The following ACBD6 variants were observed in gnomAD, a reference collection of about 807,000 sequenced individuals.
The protein encoded by ACBD6 is acyl-CoA binding domain containing 6.
Under a neutral mutation model 37.2 loss-of-function variants are expected in ACBD6, and 28 were observed. The observed-to-expected ratio is 0.75, with a 90% CI of 0.56 to 1.03. ACBD6 has a LOEUF of 1.03. Ranked by LOEUF, ACBD6 falls within the 50% of genes least tolerant of loss-of-function variation. The pLI is 0.00. For missense variants in ACBD6, 340 were observed against 337.4 expected, an observed-to-expected ratio of 1.01 and a Z score of -0.06; for synonymous variants, 113 against 126.8, an observed-to-expected ratio of 0.89 and a Z score of 0.73.
chr1:180,437,243 G>A (rs917262197), intron 3 of ACBD6, among the ~76,000 whole-genome samples: 6 of 152,184 alleles, frequency 3.9e-5, no homozygotes, highest in Admixed American at 2.6e-4. Context: ...ACCCAAAGAG[G>A]GGGTCATGGG....
chr1:180,395,270 C>T (rs1349182750), intron 6 of ACBD6, among the ~76,000 whole-genome samples: 2 of 151,916 alleles, frequency 1.3e-5, no homozygotes, highest in African/African-American at 2.4e-5. Flanking sequence ...AGATATTGTG[C>T]GTTTGAAGTG....
exon 11 of ACBD6, chr1:180,274,051 G>T: frequency 9.0e-7 from 1 of 1,106,104 alleles, no homozygotes; most frequent in Non-Finnish European, 1.4e-6. Flanking sequence ...TGGTGTGTCT[G>T]ACCCATGCTT....
chr1:180,502,172 T>TG lies in ACBD6; in HGVS notation c.94dup (p.His32ProfsTer2). On this transcript the variant is annotated frameshift_variant, in exon 1 of 8. Coordinates refer to ENST00000367595, the MANE Select transcript of ACBD6 (RefSeq NM_032360.4). LOFTEE classifies it high-confidence loss of function. The stretch of plus-strand genomic sequence containing the variant: ...ACTGGTCTCCTCGATCTCAGGGCTA[T>TG]GGGGGAACTCCACCTCCCCGGAGTC... The TG allele has an allele frequency of 6.2e-7, 1 of 1,614,096 alleles. No individual in the cohort carries two copies. The highest frequency in any genetic ancestry group is 8.5e-7 in the Non-Finnish European group (1 of 1,180,020).
chr1:180,491,266 T>C (rs1001874973), intron 3 of ACBD6, among the ~76,000 whole-genome samples: 2 of 152,162 alleles, frequency 1.3e-5, no homozygotes, highest in Non-Finnish European at 2.9e-5. Context: ...AATATTTTTA[T>C]TGAAAAAAAT....
intron 6 of ACBD6, among the ~76,000 whole-genome samples, chr1:180,358,375 C>T (rs761127122): frequency 2.0e-5 from 3 of 151,864 alleles, no homozygotes; most frequent in African/African-American, 2.4e-5. Flanking sequence ...TGCGGTGAGC[C>T]GAGATTGTGC....
intron 5 of ACBD6, among the ~76,000 whole-genome samples, chr1:180,400,008 T>C (rs1195592194): frequency 6.6e-6 from 1 of 152,144 alleles, no homozygotes; most frequent in Non-Finnish European, 1.5e-5. Context: ...TACCATAAGA[T>C]GTATAGATAA....
intron 7 of ACBD6, among the ~76,000 whole-genome samples, chr1:180,307,855 T>C (rs561735862): frequency 2.6e-5 from 4 of 152,098 alleles, no homozygotes; most frequent in African/African-American, 9.7e-5. Flanking sequence ...TTCTGGAGGG[T>C]GAGGCAGGAG....
chr1:180,486,190 AG>A (rs1174837523), intron 3 of ACBD6, among the ~76,000 whole-genome samples: 4 of 152,308 alleles, frequency 2.6e-5, no homozygotes, highest in Non-Finnish European at 4.4e-5. Flanking sequence ...GACAACAATC[AG>A]GCTTGCTAAA....
At chr1:180,364,797 G>A (rs1393981793) in intron 6 of ACBD6, among the ~76,000 whole-genome samples, 3 of 149,678 alleles carry the variant, frequency 2.0e-5, no homozygotes, top group African/African-American at 7.4e-5. Flanking sequence ...ACAGTAGCGC[G>A]ATCTTGGCTC....
chr1:180,347,754 G>A (rs1652244594), intron 6 of ACBD6, among the ~76,000 whole-genome samples: 1 of 152,034 alleles, frequency 6.6e-6, no homozygotes, highest in Non-Finnish European at 1.5e-5. Context: ...GGTGGATCAC[G>A]AGGTCAAGAG....
At chr1:180,293,730 T>C (rs1299306352) in intron 7 of ACBD6, among the ~76,000 whole-genome samples, 1 of 152,170 alleles carries the variant, frequency 6.6e-6, no homozygotes, top group Non-Finnish European at 1.5e-5. Flanking sequence ...CCAGATTTTC[T>C]ATTTTTTATT....
chr1:180,384,659 A>G (rs950233336), intron 6 of ACBD6, among the ~76,000 whole-genome samples: 8 of 152,328 alleles, frequency 5.3e-5, no homozygotes, highest in African/African-American at 1.9e-4. Context: ...GTATTTATCT[A>G]AAGGAAAAGA....
chr1:180,285,792 T>TA (rs1205278179), downstream of ACBD6, among the ~76,000 whole-genome samples: 1 of 152,128 alleles, frequency 6.6e-6, no homozygotes, highest in Non-Finnish European at 1.5e-5. Context: ...AGCAACCTTT[T>TA]AGCTGGAAAA....
At chr1:180,433,998 A>G (rs547794798) in intron 3 of ACBD6, among the ~76,000 whole-genome samples, 198 of 152,154 alleles carry the variant, frequency 1.3e-3, no homozygotes, top group African/African-American at 4.6e-3. Flanking sequence ...CCCTTCCTCC[A>G]TGCCTCACCC....
At chr1:180,440,490 T>C (rs1227020006) in intron 3 of ACBD6, among the ~76,000 whole-genome samples, 2 of 152,224 alleles carry the variant, frequency 1.3e-5, no homozygotes, top group Non-Finnish European at 2.9e-5. Context: ...ACATGTACAA[T>C]TGAATGACAT....
At chr1:180,287,630 G>T (rs1649548304), downstream of ACBD6, among the ~76,000 whole-genome samples, 2 of 137,114 alleles carry the variant, frequency 1.5e-5, no homozygotes, top group Non-Finnish European at 1.5e-5. Context: ...CATATGACAT[G>T]GTCATTATAG....
exon 10 of ACBD6, chr1:180,274,667 G>A (rs1648919687): frequency 7.2e-7 from 1 of 1,396,826 alleles, no homozygotes; most frequent in Non-Finnish European, 9.6e-7. Flanking sequence ...AGGATCGAAA[G>A]TACGCCAATG....
intron 4 of ACBD6, among the ~76,000 whole-genome samples, chr1:180,425,007 T>A (rs1384521615): frequency 6.6e-6 from 1 of 152,196 alleles, no homozygotes; most frequent in African/African-American, 2.4e-5. Context: ...TCTATAATTA[T>A]CTCTTCGCTT....
intron 6 of ACBD6, among the ~76,000 whole-genome samples, chr1:180,328,866 C>T (rs1571366096): frequency 6.6e-6 from 1 of 151,982 alleles, no homozygotes; most frequent in African/African-American, 2.4e-5. Flanking sequence ...ATAAGTTAAG[C>T]TTTCAGCTGC....
Sources: allele counts gnomAD v4.1 joint callset (sites outside exome capture counted in the v4.1 genomes callset), GRCh38; gene constraint gnomAD v4.1.1; transcripts MANE v1.5; gene names NCBI Gene and HGNC (gene_info 2026-07-23, HGNC 2026-07-21).